CDH4: variants seen among roughly 807,000 people sequenced by gnomAD.
CDH4 encodes the protein cadherin-4.
Under a neutral mutation model 86.0 loss-of-function variants are expected in CDH4, and 33 were observed. The observed-to-expected ratio is 0.38, with a 90% CI of 0.29 to 0.51. The LOEUF (loss-of-function observed/expected upper bound fraction) is 0.51. Among genes scored for constraint, CDH4 ranks in the 20% least tolerant of loss-of-function variants. The pLI is 0.86. For synonymous variants in CDH4, 555 were observed against 549.4 expected (o/e 1.01, Z -0.14); for missense variants, 1,114 against 1,307.4 (o/e 0.85, Z 2.28).
chr20:61,758,527 G>GC (rs764884736), intron 3 of CDH4, among the ~76,000 whole-genome samples: 6 of 152,184 alleles, frequency 3.9e-5, no homozygotes, highest in Non-Finnish European at 7.3e-5. Context: ...CTGAGAGAGA[G>GC]CCCCGGGGTG....
In CDH4 at chr20:61,554,885, C is replaced by T. The variant is rs201302984; in HGVS notation, c.170-188678C>T. The stretch of plus-strand genomic sequence containing the variant: ...ATGTTTGTGTGTCTGAGTAAGCTCA[C>T]GTTTTACATGTATGTGTGCAGACAT... On this transcript the variant is annotated intron_variant, in intron 2 of 15. Transcript: ENST00000614565. Among the ~76,000 whole-genome samples, 15 of 152,138 alleles carry T rather than the reference C, an allele frequency of 9.9e-5. 1 individual carries two copies. The highest frequency in any genetic ancestry group is 5.9e-4 in the Admixed American group (9 of 15,296).
intron 15 of CDH4, among the ~76,000 whole-genome samples, chr20:61,936,380 CA>C (rs2055187272): frequency 1.6e-4 from 2 of 12,360 alleles, no homozygotes; most frequent in Admixed American, 7.0e-4. Flanking sequence ...CCCCTTCCCC[CA>C]CACCCCCTCC....
intron 2 of CDH4, among the ~76,000 whole-genome samples, chr20:61,352,016 C>CT (rs1483692960): frequency 6.6e-6 from 1 of 152,140 alleles, no homozygotes; most frequent in African/African-American, 2.4e-5. Flanking sequence ...CGCACCCGGC[C>CT]TCCTTTAGTT....
chr20:61,522,410 G>A (rs2085876487), intron 2 of CDH4, among the ~76,000 whole-genome samples: 1 of 152,232 alleles, frequency 6.6e-6, no homozygotes, highest in Admixed American at 6.5e-5. Context: ...CGGTAACCAT[G>A]TGTGAGGTGC....
At chr20:61,334,917 C>A (rs1356234839) in intron 2 of CDH4, among the ~76,000 whole-genome samples, 1 of 152,246 alleles carries the variant, frequency 6.6e-6, no homozygotes, top group Non-Finnish European at 1.5e-5. Flanking sequence ...CTGCAGGAAA[C>A]CTTGAGACCT....
intron 2 of CDH4, among the ~76,000 whole-genome samples, chr20:61,669,891 G>A (rs1184767261): frequency 3.3e-5 from 5 of 152,170 alleles, no homozygotes; most frequent in Admixed American, 2.6e-4. Flanking sequence ...AGAAGAGCGG[G>A]TTCTGCTCCC....
At chr20:61,399,460 T>C (rs1221817718) in intron 2 of CDH4, among the ~76,000 whole-genome samples, 1 of 152,162 alleles carries the variant, frequency 6.6e-6, no homozygotes, top group Non-Finnish European at 1.5e-5. Context: ...AGATTTTTTA[T>C]TGGAAAATTT....
At chr20:61,372,240 TG>T (rs2084844930) in intron 2 of CDH4, among the ~76,000 whole-genome samples, 1 of 152,188 alleles carries the variant, frequency 6.6e-6, no homozygotes, top group Non-Finnish European at 1.5e-5. Flanking sequence ...TTGGCTCCTG[TG>T]GGGAAGTCAC....
intron 2 of CDH4, among the ~76,000 whole-genome samples, chr20:61,274,185 A>C (rs376989546): frequency 2.2e-5 from 1 of 46,330 alleles, no homozygotes; most frequent in Non-Finnish European, 4.1e-5. Flanking sequence ...ACTGTGTGCA[A>C]TTTGGGGAGT....
chr20:61,372,217 C>T (rs2084844776), intron 2 of CDH4, among the ~76,000 whole-genome samples: 1 of 152,206 alleles, frequency 6.6e-6, no homozygotes, highest in Non-Finnish European at 1.5e-5. Context: ...ATGGCCCAGC[C>T]GTTGTCTGTG....
chr20:61,443,053 C>G (rs1414476445), intron 2 of CDH4, among the ~76,000 whole-genome samples: 1 of 152,092 alleles, frequency 6.6e-6, no homozygotes, highest in Non-Finnish European at 1.5e-5. Flanking sequence ...CCAAAGCAAC[C>G]CCTGATTGAG....
At chr20:61,707,393 A>G (rs2145893566) in intron 2 of CDH4, among the ~76,000 whole-genome samples, 1 of 152,334 alleles carries the variant, frequency 6.6e-6, no homozygotes, top group African/African-American at 2.4e-5. Flanking sequence ...TATACAGGGA[A>G]AGGACATCTT....
At position 61,937,203 on chromosome 20, in the gene CDH4, C is replaced by G; in HGVS notation, c.*260C>G. Reference sequence around the variant, plus strand: ...CTGTCTTCACTTGAATTTCCTAGAACAGAAGCACTGTTTTTAAAAAAAAAA... The same window carrying G: ...CTGTCTTCACTTGAATTTCCTAGAAGAGAAGCACTGTTTTTAAAAAAAAAA... On this transcript the variant is annotated 3_prime_UTR_variant, in exon 16 of 16. Coordinates refer to ENST00000614565, the MANE Select transcript of CDH4 (RefSeq NM_001794.5). 7.7e-6 allele frequency: 1 copy of G among 129,282 alleles called. No individual in the cohort carries two copies. Among genetic ancestry groups the G allele is most frequent in the Non-Finnish European group, 1.4e-5 (1 of 72,834 alleles). 8.0% of individuals were successfully genotyped at this position (129,282 alleles called of 1,614,324 possible).
chr20:61,336,278 A>T (rs1184151540), intron 2 of CDH4, among the ~76,000 whole-genome samples: 1 of 152,184 alleles, frequency 6.6e-6, no homozygotes, highest in Non-Finnish European at 1.5e-5. Flanking sequence ...GATATTTTGA[A>T]GGTTAAATGA....
intron 15 of CDH4, among the ~76,000 whole-genome samples, chr20:61,936,330 A>C (rs1600796488): frequency 3.6e-5 from 1 of 27,802 alleles, no homozygotes; most frequent in Non-Finnish European, 6.1e-5. Context: ...ACCCTCTCCC[A>C]CACCTCCACC....
chr20:61,896,103 G>A (rs908999815), intron 8 of CDH4, among the ~76,000 whole-genome samples: 3 of 152,234 alleles, frequency 2.0e-5, no homozygotes, highest in African/African-American at 2.4e-5. Flanking sequence ...AGCAATGACA[G>A]TGGCACACCA....
chr20:61,282,504 C>A, intron 2 of CDH4, among the ~76,000 whole-genome samples: 1 of 152,082 alleles, frequency 6.6e-6, no homozygotes, highest in Non-Finnish European at 1.5e-5. Flanking sequence ...TCATTTCCCT[C>A]CTCTGAACAA....
At chr20:61,502,264 G>A (rs1050823951) in intron 2 of CDH4, among the ~76,000 whole-genome samples, 1 of 152,184 alleles carries the variant, frequency 6.6e-6, no homozygotes, top group Non-Finnish European at 1.5e-5. Context: ...ACCTGCTCCT[G>A]CTGTAAGGTG....
At chr20:61,603,889 C>T (rs2086622259) in intron 2 of CDH4, among the ~76,000 whole-genome samples, 1 of 152,034 alleles carries the variant, frequency 6.6e-6, no homozygotes. Context: ...CATAGTAAGC[C>T]CTGGGAGTGT....
Sources: allele counts gnomAD v4.1 joint callset (sites outside exome capture counted in the v4.1 genomes callset), GRCh38; gene constraint gnomAD v4.1.1; transcripts MANE v1.5; gene names NCBI Gene and HGNC (gene_info 2026-07-23, HGNC 2026-07-21).